The following LRP5 variants were observed in gnomAD, a reference collection of about 807,000 sequenced individuals.
The protein encoded by LRP5 is low-density lipoprotein receptor-related protein 5.
LRP5 carries 62 observed loss-of-function variants against 154.1 expected under a neutral mutation model. The ratio of observed to expected loss-of-function variants is 0.40; its 90% CI spans 0.33 to 0.50. LRP5 has a LOEUF of 0.50. Among genes scored for constraint, LRP5 ranks in the 20% least tolerant of loss-of-function variants. The probability of loss-of-function intolerance (pLI) is 0.55; values close to 1 mark genes in which losing one functional copy is unlikely to be tolerated. For synonymous variants in LRP5, 966 were observed against 1,011.5 expected, an observed-to-expected ratio of 0.96 and a Z score of 0.85; for missense variants, 1,915 against 2,336.7, an observed-to-expected ratio of 0.82 and a Z score of 3.72.
At chr11:68,339,269 G>A (rs1409129868) in intron 1 of LRP5, among the ~76,000 whole-genome samples, 2 of 151,640 alleles carry the variant, frequency 1.3e-5, no homozygotes, top group Non-Finnish European at 2.9e-5. Context: ...TCCACCTCCC[G>A]GGTTCAAGTG....
chr11:68,441,484 C>G (rs956424348), intron 21 of LRP5, among the ~76,000 whole-genome samples: 2 of 152,188 alleles, frequency 1.3e-5, no homozygotes, highest in Non-Finnish European at 2.9e-5. Context: ...GTTCTGGAGG[C>G]CCCAGGGCCT....
At chr11:68,445,314 G>T (rs2098680805) in intron 21 of LRP5, among the ~76,000 whole-genome samples, 2 of 152,108 alleles carry the variant, frequency 1.3e-5, no homozygotes, top group South Asian at 4.2e-4. Flanking sequence ...TGGCCAGGCT[G>T]GTCTCGAACT....
chr11:68,431,105 C>T (rs2098671618), intron 17 of LRP5, among the ~76,000 whole-genome samples: 1 of 152,186 alleles, frequency 6.6e-6, no homozygotes, highest in Admixed American at 6.5e-5. Context: ...CTCTCCTATG[C>T]CCCCATGCCT....
chr11:68,410,641 A>G (rs2098658921), intron 10 of LRP5, among the ~76,000 whole-genome samples: 1 of 152,188 alleles, frequency 6.6e-6, no homozygotes. Flanking sequence ...GCTGAGCCAC[A>G]GCTTAGGACC....
chr11:68,417,116 G>A (rs534484687), intron 13 of LRP5, among the ~76,000 whole-genome samples: 9 of 152,274 alleles, frequency 5.9e-5, no homozygotes, highest in African/African-American at 9.6e-5. Context: ...CAATAAATAC[G>A]GCACTTCACC....
chr11:68,383,686 G>A (rs1014454527), intron 5 of LRP5, among the ~76,000 whole-genome samples: 1 of 152,252 alleles, frequency 6.6e-6, no homozygotes, highest in African/African-American at 2.4e-5. Flanking sequence ...GTGGAGAGCA[G>A]GGGGCTTGTG....
intron 1 of LRP5, among the ~76,000 whole-genome samples, chr11:68,317,745 T>C (rs1254984819): frequency 6.6e-6 from 1 of 152,222 alleles, no homozygotes; most frequent in African/African-American, 2.4e-5. Context: ...TAGGGGGCAG[T>C]TGACACTTTG....
chr11:68,305,262 T>G, the LRP5 span, among the ~76,000 whole-genome samples: 3 of 151,994 alleles, frequency 2.0e-5, no homozygotes, highest in Admixed American at 2.0e-4. Context: ...GCTCTCTCTC[T>G]CTCTCGCTCC....
At chr11:68,313,661 G>A (rs1212279955) in intron 1 of LRP5, among the ~76,000 whole-genome samples, 1 of 152,270 alleles carries the variant, frequency 6.6e-6, no homozygotes, top group Non-Finnish European at 1.5e-5. Context: ...TTTCAAGCAA[G>A]CCTCTTGCTA....
At chr11:68,439,707 G>T (rs1037189745) in intron 20 of LRP5, 70 bp from the exon 21 acceptor site, 2 of 1,514,916 alleles carry the variant, frequency 1.3e-6, no homozygotes, top group Non-Finnish European at 9.0e-7. Context: ...AGAGGAGAGC[G>T]CCCTATGTCT....
chr11:68,448,371 C>G (rs562420011), intron 22 of LRP5, among the ~76,000 whole-genome samples: 10 of 152,354 alleles, frequency 6.6e-5, no homozygotes, highest in African/African-American at 2.4e-4. Context: ...GTTGTCCAGT[C>G]TCCTGTTTTG....
intron 7 of LRP5, among the ~76,000 whole-genome samples, chr11:68,399,962 G>A (rs1488508202): frequency 6.6e-6 from 1 of 152,198 alleles, no homozygotes; most frequent in African/African-American, 2.4e-5. Context: ...CTGCGATCTG[G>A]GTGGAAAGTA....
intron 13 of LRP5, among the ~76,000 whole-genome samples, chr11:68,417,754 G>A (rs2153170069): frequency 6.6e-6 from 1 of 152,054 alleles, no homozygotes; most frequent in South Asian, 2.1e-4. Flanking sequence ...GGCCAACATG[G>A]TGAAACCCCG....
intron 16 of LRP5, 68 bp from the exon 17 acceptor site, chr11:68,429,507 C>T (rs1364665558): frequency 1.5e-5 from 24 of 1,607,514 alleles, no homozygotes; most frequent in Non-Finnish European, 2.0e-5. Context: ...TGGCCCCTAC[C>T]CTCCAGGCTG....
chr11:68,343,206 G>A (rs896395522), intron 1 of LRP5, among the ~76,000 whole-genome samples: 2 of 152,182 alleles, frequency 1.3e-5, no homozygotes, highest in Admixed American at 6.5e-5. Flanking sequence ...GCTGCCTCCC[G>A]AGACAATCTA....
chr11:68,352,277 G>A (rs545624848), intron 2 of LRP5, among the ~76,000 whole-genome samples: 3 of 152,168 alleles, frequency 2.0e-5, no homozygotes, highest in African/African-American at 7.2e-5. Flanking sequence ...ATGTAGGTTC[G>A]ATAAAAAGAT....
chr11:68,367,441 C>G (rs1471055542), intron 5 of LRP5, among the ~76,000 whole-genome samples: 1 of 152,250 alleles, frequency 6.6e-6, no homozygotes, highest in African/African-American at 2.4e-5. Context: ...CCTGGTCTCC[C>G]TCGCAGACTG....
At chr11:68,352,276 C>T (rs971778066) in intron 2 of LRP5, among the ~76,000 whole-genome samples, 4 of 152,080 alleles carry the variant, frequency 2.6e-5, no homozygotes, top group Admixed American at 6.6e-5. Context: ...CATGTAGGTT[C>T]GATAAAAAGA....
chr11:68,375,530 A>C, intron 5 of LRP5, among the ~76,000 whole-genome samples: 2 of 146,320 alleles, frequency 1.4e-5, no homozygotes, highest in Admixed American at 6.8e-5. Context: ...TCCAGACCCC[A>C]CTCCTGCACA....
Sources: allele counts gnomAD v4.1 joint callset (sites outside exome capture counted in the v4.1 genomes callset), GRCh38; gene constraint gnomAD v4.1.1; transcripts MANE v1.5; gene names NCBI Gene and HGNC (gene_info 2026-07-23, HGNC 2026-07-21).